PPP1R9A: variants seen among roughly 807,000 people sequenced by gnomAD.
PPP1R9A encodes neurabin-1.
A neutral mutation model predicts 141.9 loss-of-function variants in PPP1R9A; 59 were observed. The observed-to-expected ratio is 0.42, with a 90% CI of 0.34 to 0.52. PPP1R9A has a LOEUF of 0.52. PPP1R9A is among the 20% of genes least tolerant of loss of function. The probability of loss-of-function intolerance (pLI) is 0.10; values close to 1 mark genes in which losing one functional copy is unlikely to be tolerated. For missense variants in PPP1R9A, 1,444 were observed against 1,611.9 expected, an observed-to-expected ratio of 0.90 and a Z score of 1.78; for synonymous variants, 500 against 569.7, an observed-to-expected ratio of 0.88 and a Z score of 1.74.
intron 16 of PPP1R9A, among the ~76,000 whole-genome samples, chr7:95,277,022 A>T (rs1447695643): frequency 6.6e-6 from 1 of 152,280 alleles, no homozygotes; most frequent in East Asian, 1.9e-4. Flanking sequence ...GGGTCGCACT[A>T]TGATTGTAGT....
chr7:95,193,221 A>T (rs1835766895), intron 5 of PPP1R9A, among the ~76,000 whole-genome samples: 1 of 152,144 alleles, frequency 6.6e-6, no homozygotes, highest in Non-Finnish European at 1.5e-5. Flanking sequence ...AGCTTTAAAG[A>T]TGTGTGGATC....
chr7:95,275,299 T>C (rs1295296022), intron 16 of PPP1R9A, among the ~76,000 whole-genome samples: 1 of 151,286 alleles, frequency 6.6e-6, no homozygotes, highest in Non-Finnish European at 1.5e-5. Context: ...TCCCAGCTAC[T>C]CGGGAGGCTG....
chr7:95,277,859 A>G (rs960726183), intron 16 of PPP1R9A, among the ~76,000 whole-genome samples: 2 of 152,256 alleles, frequency 1.3e-5, no homozygotes, highest in Non-Finnish European at 2.9e-5. Flanking sequence ...TGGAGTAAGT[A>G]GCCACTGATG....
chr7:95,092,888 G>A (rs928086176), intron 2 of PPP1R9A, among the ~76,000 whole-genome samples: 1 of 152,198 alleles, frequency 6.6e-6, no homozygotes, highest in East Asian at 1.9e-4. Flanking sequence ...CAAAGTGAGA[G>A]AGTGAGGCTT....
chr7:95,158,478 G>T (rs1477233936), intron 4 of PPP1R9A, among the ~76,000 whole-genome samples: 2 of 152,080 alleles, frequency 1.3e-5, no homozygotes, highest in Non-Finnish European at 2.9e-5. Context: ...AACATAGTGA[G>T]ACCCCATCCC....
At chr7:94,922,037 G>A (rs866489165) in intron 2 of PPP1R9A, among the ~76,000 whole-genome samples, 1 of 150,956 alleles carries the variant, frequency 6.6e-6, no homozygotes. Context: ...TTCTTGCTTA[G>A]CGTCTAGAAT....
At chr7:95,037,460 T>G (rs2151870389) in intron 2 of PPP1R9A, among the ~76,000 whole-genome samples, 1 of 152,280 alleles carries the variant, frequency 6.6e-6, no homozygotes, top group East Asian at 1.9e-4. Context: ...CCACATGTGT[T>G]ATGACCAAAA....
At chr7:94,933,454 G>A (rs1382617722) in intron 2 of PPP1R9A, among the ~76,000 whole-genome samples, 1 of 152,106 alleles carries the variant, frequency 6.6e-6, no homozygotes, top group African/African-American at 2.4e-5. Flanking sequence ...GAAGTGGGAG[G>A]CATTCTCCTC....
At chr7:95,112,694 G>A (rs563341974) in intron 3 of PPP1R9A, among the ~76,000 whole-genome samples, 2 of 152,288 alleles carry the variant, frequency 1.3e-5, no homozygotes, top group African/African-American at 4.8e-5. Context: ...ATAGATGACT[G>A]GATAAAGAAA....
chr7:94,948,062 G>A (rs866756871), intron 2 of PPP1R9A, among the ~76,000 whole-genome samples: 12 of 152,036 alleles, frequency 7.9e-5, no homozygotes, highest in African/African-American at 2.7e-4. Context: ...TCCTGATGTC[G>A]TGTTCTCCTT....
chr7:95,203,732 T>C lies in PPP1R9A; in HGVS notation c.1956+2T>C, dbSNP rs1790088907. 1 of 1,534,094 alleles carries C rather than the reference T, an allele frequency of 6.5e-7. No homozygotes were observed. On this transcript the variant is annotated splice_donor_variant, in intron 7 of 19. Coordinates refer to ENST00000433360, the MANE Select transcript of PPP1R9A (RefSeq NM_001166160.2). LOFTEE classifies it high-confidence loss of function. ...AACAATAACAACTATTTTCTTAAGG[T>C]TTGTTTTTTGGTTTAAAGTAATGCT...
At chr7:95,118,100 A>G (rs1563260901) in intron 3 of PPP1R9A, among the ~76,000 whole-genome samples, 1 of 152,200 alleles carries the variant, frequency 6.6e-6, no homozygotes, top group Admixed American at 6.5e-5. Flanking sequence ...TATACACACA[A>G]GAGAATTCAT....
intron 2 of PPP1R9A, among the ~76,000 whole-genome samples, chr7:95,043,217 G>T (rs1809510967): frequency 6.6e-6 from 1 of 152,048 alleles, no homozygotes; most frequent in Non-Finnish European, 1.5e-5. Context: ...TTTTACTTGA[G>T]GTATGCCTAT....
At chr7:95,168,381 T>C (rs538468717) in intron 5 of PPP1R9A, among the ~76,000 whole-genome samples, 1 of 151,942 alleles carries the variant, frequency 6.6e-6, no homozygotes, top group African/African-American at 2.4e-5. Context: ...TCACTATATA[T>C]AAAAATCAAC....
chr7:95,216,026 A>T (rs1006995362), intron 7 of PPP1R9A, among the ~76,000 whole-genome samples: 198 of 152,172 alleles, frequency 1.3e-3, no homozygotes, highest in African/African-American at 4.3e-3. Context: ...CTTTTGGTGT[A>T]TTAGACATGA....
intron 8 of PPP1R9A, 109 bp from the exon 9 acceptor site, chr7:95,247,364 C>G: frequency 1.2e-6 from 1 of 844,174 alleles, no homozygotes; most frequent in Non-Finnish European, 1.9e-6. Context: ...CACTGCAGCA[C>G]TTTTCTAGGC....
At chr7:94,955,380 T>C (rs552973328) in intron 2 of PPP1R9A, among the ~76,000 whole-genome samples, 3 of 152,290 alleles carry the variant, frequency 2.0e-5, no homozygotes, top group Admixed American at 2.0e-4. Context: ...CATACTCCTA[T>C]ACTGTTCTTG....
intron 8 of PPP1R9A, among the ~76,000 whole-genome samples, chr7:95,245,320 G>A (rs1464744691): frequency 2.6e-5 from 4 of 152,104 alleles, no homozygotes; most frequent in Non-Finnish European, 4.4e-5. Flanking sequence ...ACTCTTCAAC[G>A]AATGCCTATT....
chr7:95,168,379 T>C (rs1290295383), intron 5 of PPP1R9A, among the ~76,000 whole-genome samples: 1 of 151,970 alleles, frequency 6.6e-6, no homozygotes, highest in Admixed American at 6.6e-5. Context: ...CCTCACTATA[T>C]ATAAAAATCA....
Sources: allele counts gnomAD v4.1 joint callset (sites outside exome capture counted in the v4.1 genomes callset), GRCh38; gene constraint gnomAD v4.1.1; transcripts MANE v1.5; gene names NCBI Gene and HGNC (gene_info 2026-07-23, HGNC 2026-07-21).